The following EIF4G3 variants were observed in gnomAD, a reference collection of about 807,000 sequenced individuals.
EIF4G3 encodes the protein eIF-4-gamma 3.
Under a neutral mutation model 186.4 loss-of-function variants are expected in EIF4G3, and 34 were observed. The observed-to-expected ratio is 0.18, with a 90% CI of 0.14 to 0.24. EIF4G3 has a LOEUF of 0.24. Ranked by LOEUF, EIF4G3 falls within the 10% of genes least tolerant of loss-of-function variation. The probability of loss-of-function intolerance (pLI) is 1.00; values close to 1 mark genes in which losing one functional copy is unlikely to be tolerated. For synonymous variants in EIF4G3, 673 were observed against 679.5 expected (o/e 0.99, Z 0.15); for missense variants, 1,536 against 1,948.5 (o/e 0.79, Z 3.99).
At chr1:20,898,258 G>A (rs1238752069) in intron 16 of EIF4G3, among the ~76,000 whole-genome samples, 1 of 152,144 alleles carries the variant, frequency 6.6e-6, no homozygotes, top group Admixed American at 6.6e-5. Context: ...GGGAGGCTGA[G>A]GCAGGAGGAC....
chr1:21,121,490 C>A (rs2096923399), intron 2 of EIF4G3, among the ~76,000 whole-genome samples: 1 of 152,002 alleles, frequency 6.6e-6, no homozygotes, highest in African/African-American at 2.4e-5. Context: ...AAAAATACCA[C>A]CTAGCCGGGC....
At chr1:21,060,464 G>GT (rs1270999128) in intron 3 of EIF4G3, among the ~76,000 whole-genome samples, 1 of 152,186 alleles carries the variant, frequency 6.6e-6, no homozygotes, top group Non-Finnish European at 1.5e-5. Flanking sequence ...TGTTGGCATG[G>GT]TAAGGACTTA....
At position 20,853,684 on chromosome 1, in the gene EIF4G3, A is replaced by G. The variant is rs764871023; in HGVS notation, c.3434-7T>C. On this transcript the variant is annotated splice_region_variant and splice_polypyrimidine_tract_variant and intron_variant, in intron 26 of 36. Transcript: ENST00000602326. ...GCACTTGACCGTAAGGCATCTACAC[A>G]TGTCGAGGATTTAGAAAAAAATACA... The G allele has an allele frequency of 9.4e-6, 15 of 1,596,646 alleles. No individual in the cohort carries two copies. The East Asian group carries it at 3.3e-4, about 36-fold the overall frequency.
intron 2 of EIF4G3, among the ~76,000 whole-genome samples, chr1:21,168,542 C>T (rs2097901036): frequency 6.6e-6 from 1 of 152,060 alleles, no homozygotes; most frequent in Non-Finnish European, 1.5e-5. Context: ...CCGGCCTCAG[C>T]CTCCTGAGTA....
chr1:21,073,926 C>T (rs1420968810), intron 3 of EIF4G3, among the ~76,000 whole-genome samples: 1 of 152,164 alleles, frequency 6.6e-6, no homozygotes, highest in African/African-American at 2.4e-5. Flanking sequence ...TCCACCTTCT[C>T]TCATATCTTA....
At chr1:21,149,082 ACT>A (rs1043300576) in intron 2 of EIF4G3, among the ~76,000 whole-genome samples, 2 of 150,644 alleles carry the variant, frequency 1.3e-5, no homozygotes, top group Admixed American at 1.3e-4. Flanking sequence ...AGCAACAGAG[ACT>A]CTATCTCTAA....
At chr1:20,952,863 A>G (rs564785816) in intron 12 of EIF4G3, among the ~76,000 whole-genome samples, 11 of 151,586 alleles carry the variant, frequency 7.3e-5, no homozygotes, top group African/African-American at 1.9e-4. Context: ...AAACAAGCAA[A>G]CAAACAAACA....
At chr1:21,007,538 C>CAAACAAAAAAAAAAAA (rs1471121881) in intron 4 of EIF4G3, among the ~76,000 whole-genome samples, 1 of 58,488 alleles carries the variant, frequency 1.7e-5, no homozygotes, top group African/African-American at 5.1e-5. Context: ...AAAAAAAAAA[C>CAAACAAAAAAAAAAAA]ACACTCAAAA....
At chr1:21,026,986 AACTC>A (rs1177364376) in intron 4 of EIF4G3, among the ~76,000 whole-genome samples, 2 of 151,926 alleles carry the variant, frequency 1.3e-5, no homozygotes, top group Admixed American at 6.6e-5. Flanking sequence ...GAACTCCTAA[AACTC>A]AATCACAAAA....
Position 21,122,185 on chromosome 1 carries a change from C to A in EIF4G3, c.-271-32972G>T, listed in dbSNP as rs552457069. On this transcript the variant is annotated intron_variant, in intron 2 of 36. Coordinates refer to ENST00000602326, the MANE Select transcript of EIF4G3 (RefSeq NM_001391906.1). ...GGATTAGAGAGAATTCTGCTTAAAA[C>A]AATGACACATTTGAATTTGAAAGAG... Among the ~76,000 whole-genome samples, 14 of 152,298 alleles carry A rather than the reference C, an allele frequency of 9.2e-5. No individual in the cohort carries two copies. The South Asian group carries it at 2.9e-3, about 32-fold the overall frequency.
In EIF4G3 at chr1:21,176,303, TGCCGCC is replaced by T; in HGVS notation, c.-406_-401del. 3.6e-6 allele frequency: 1 copy of T among 277,374 alleles called. No individual in the cohort carries two copies. The highest frequency in any genetic ancestry group is 7.2e-5 in the East Asian group (1 of 13,830). The allele number at this position is 277,374 out of a possible 1,614,324, so 17.2% of individuals were successfully genotyped here. A position where few individuals can be genotyped will look rare whatever the true frequency, so the allele number is the denominator to read the frequency against. ...CCGGGTGAGGAGGCGGTACCGCTGC[TGCCGCC>T]GCCGCCGCCGCTCCGGTGCCGGGTC... On this transcript the variant is annotated 5_prime_UTR_variant, in exon 2 of 37. Transcript: ENST00000602326.
chr1:20,894,585 A>G (rs10737453), intron 17 of EIF4G3, among the ~76,000 whole-genome samples: 89,150 of 151,504 alleles, frequency 0.59, 26,506 homozygotes, highest in East Asian at 0.83. Context: ...ATGACCTTGA[A>G]GAGTAGGATA....
chr1:20,962,562 T>C (rs1211824771), intron 12 of EIF4G3, among the ~76,000 whole-genome samples: 1 of 152,210 alleles, frequency 6.6e-6, no homozygotes, highest in Non-Finnish European at 1.5e-5. Flanking sequence ...AACTTTTTCT[T>C]GTAATGTTAG....
At chr1:20,914,060 G>A (rs1278786234) in intron 14 of EIF4G3, among the ~76,000 whole-genome samples, 7 of 151,086 alleles carry the variant, frequency 4.6e-5, no homozygotes, top group East Asian at 2.0e-4. Flanking sequence ...TGCCCGCCTC[G>A]GCCTCCCAAA....
intron 18 of EIF4G3, among the ~76,000 whole-genome samples, chr1:20,892,149 A>G (rs954472339): frequency 1.3e-5 from 2 of 152,220 alleles, no homozygotes. Flanking sequence ...GCAGGTTTCA[A>G]AAGTTGCCAT....
At chr1:20,808,270 GTTT>G (rs1326780136) in intron 36 of EIF4G3, among the ~76,000 whole-genome samples, 1 of 152,072 alleles carries the variant, frequency 6.6e-6, no homozygotes, top group Non-Finnish European at 1.5e-5. Context: ...AATACGAGTA[GTTT>G]TTTACTTTCT....
intron 3 of EIF4G3, among the ~76,000 whole-genome samples, chr1:21,052,464 A>C (rs1486026022): frequency 1.3e-5 from 2 of 152,254 alleles, no homozygotes; most frequent in African/African-American, 2.4e-5. Flanking sequence ...TAAATACATA[A>C]AATACATAGG....
At chr1:20,997,763 C>T in intron 6 of EIF4G3, 130 bp from the exon 7 acceptor site, 2 of 677,638 alleles carry the variant, frequency 3.0e-6, no homozygotes, top group Non-Finnish European at 5.0e-6. Flanking sequence ...AAAAACAACA[C>T]ACAAAACAGT....
chr1:20,901,146 T>C (rs2090148309), intron 15 of EIF4G3, among the ~76,000 whole-genome samples: 1 of 151,996 alleles, frequency 6.6e-6, no homozygotes, highest in Non-Finnish European at 1.5e-5. Flanking sequence ...AAAGATAGTA[T>C]ATAAAAACCC....
Sources: allele counts gnomAD v4.1 joint callset (sites outside exome capture counted in the v4.1 genomes callset), GRCh38; gene constraint gnomAD v4.1.1; transcripts MANE v1.5; gene names NCBI Gene and HGNC (gene_info 2026-07-23, HGNC 2026-07-21).